Variants in DOK7 observed in about 807,000 individuals in gnomAD.
The protein encoded by DOK7 is protein Dok-7.
In DOK7, 32 loss-of-function variants were observed where a neutral mutation model predicts 30.7. That is an observed-to-expected ratio of 1.04 (90% CI 0.79 to 1.40). The LOEUF (loss-of-function observed/expected upper bound fraction) is 1.40. Ranked by LOEUF, DOK7 falls within the 40% of genes most tolerant of loss-of-function variation. DOK7 has a pLI of 0.00. For missense variants in DOK7, 1,007 were observed against 699.2 expected (o/e 1.44, Z -4.97); for synonymous variants, 447 against 324.1 (o/e 1.38, Z -4.07).
At chr4:3,464,624 G>A (rs1159052141) in intron 2 of DOK7, among the ~76,000 whole-genome samples, 2 of 152,184 alleles carry the variant, frequency 1.3e-5, no homozygotes, top group African/African-American at 2.4e-5. Flanking sequence ...TGGCTGGGTC[G>A]GGGCCGTGGT....
chr4:3,486,138 TG>T (rs1165241915), intron 5 of DOK7, among the ~76,000 whole-genome samples: 1 of 152,004 alleles, frequency 6.6e-6, no homozygotes, highest in African/African-American at 2.4e-5. Flanking sequence ...CCCCTGGCTG[TG>T]GGGTCTCAGG....
At chr4:3,498,541 C>G (rs568460741), downstream of DOK7, among the ~76,000 whole-genome samples, 23 of 152,260 alleles carry the variant, frequency 1.5e-4, no homozygotes, top group African/African-American at 5.5e-4. Flanking sequence ...CCGGCCCTGC[C>G]CCTTGGCTTC....
intron 5 of DOK7, among the ~76,000 whole-genome samples, chr4:3,487,536 C>T (rs1727888237): frequency 6.6e-6 from 1 of 152,210 alleles, no homozygotes; most frequent in Non-Finnish European, 1.5e-5. Context: ...GCAGCCAGAC[C>T]CACCAGGAGC....
At chr4:3,499,314 G>A (rs1328432974), downstream of DOK7, among the ~76,000 whole-genome samples, 2 of 152,166 alleles carry the variant, frequency 1.3e-5, no homozygotes, top group African/African-American at 2.4e-5. Flanking sequence ...GGGCTTGGCT[G>A]TGTCTCCCAG....
intron 6 of DOK7, among the ~76,000 whole-genome samples, chr4:3,492,265 G>A (rs561294806): frequency 1.1e-4 from 17 of 152,158 alleles, no homozygotes; most frequent in African/African-American, 3.9e-4. Flanking sequence ...GGCAGGGGGC[G>A]AGTCGAGGTG....
chr4:3,474,696 C>A (rs1415298593), intron 3 of DOK7, among the ~76,000 whole-genome samples: 1 of 152,060 alleles, frequency 6.6e-6, no homozygotes, highest in Non-Finnish European at 1.5e-5. Flanking sequence ...GTGGTGGGCA[C>A]ATGTAATCCC....
chr4:3,484,926 T>A (rs1320982214), intron 4 of DOK7: 1 of 968,872 alleles, frequency 1.0e-6, no homozygotes, highest in Non-Finnish European at 1.2e-6. Context: ...CATGGCAGCC[T>A]TCCTGGGATG....
intron 7 of DOK7, chr4:3,500,678 C>T: frequency 6.5e-7 from 1 of 1,535,850 alleles, no homozygotes; most frequent in East Asian, 2.4e-5. Flanking sequence ...CCGCTCACTA[C>T]AGAATTCTTT....
intron 6 of DOK7, chr4:3,500,146 T>A (rs2699408): frequency 2.2e-6 from 3 of 1,348,040 alleles, no homozygotes; most frequent in African/African-American, 1.5e-5. Context: ...AGAGGCGGAG[T>A]GGGGAGGAGG....
At chr4:3,495,501 G>A (rs1052795566), downstream of DOK7, among the ~76,000 whole-genome samples, 20 of 152,212 alleles carry the variant, frequency 1.3e-4, no homozygotes, top group Non-Finnish European at 2.9e-4. Context: ...GTGGGGATGC[G>A]GCCGGGACAT....
chr4:3,496,708 C>G, downstream of DOK7: 2 of 1,229,642 alleles, frequency 1.6e-6, no homozygotes, highest in Non-Finnish European at 2.2e-6. Context: ...TGACCCAGGT[C>G]CCCCAGCCTG....
downstream of DOK7, among the ~76,000 whole-genome samples, chr4:3,498,313 A>T (rs1191092612): frequency 6.6e-6 from 1 of 152,056 alleles, no homozygotes. Flanking sequence ...ACAGATACGG[A>T]CACACTGCTG....
chr4:3,481,641 C>T (rs1727450227), intron 4 of DOK7, among the ~76,000 whole-genome samples: 1 of 152,146 alleles, frequency 6.6e-6, no homozygotes, highest in Admixed American at 6.5e-5. Context: ...ACTTCTCAGT[C>T]CTGCCCATGC....
chr4:3,493,368 G>A lies in DOK7; in HGVS notation c.1382G>A (p.Gly461Asp), dbSNP rs9684786. The A allele has an allele frequency of 0.2, 324,029 of 1,595,910 alleles. 34,550 individuals carry two copies. The highest frequency in any genetic ancestry group is 0.32 in the South Asian group (28,446 of 89,278). Residue 461 changes from glycine (G) to aspartate (D), a missense_variant, in exon 7 of 7, where the codon GGC (glycine) becomes GAC (aspartate). Coordinates refer to ENST00000340083, the MANE Select transcript of DOK7 (RefSeq NM_173660.5). Reference protein sequence around the residue: ...RRGLVMEAPQGSEATLPGPAP... With the variant: ...RRGLVMEAPQDSEATLPGPAP... ...GGCCTGGTGATGGAGGCCCCCCAGG[G>A]CAGCGAGGCCACACTGCCTGGCCCT...
chr4:3,473,747 G>A (rs1172397045), intron 3 of DOK7, 111 bp downstream of exon 3: 1 of 1,078,610 alleles, frequency 9.3e-7, no homozygotes, highest in Non-Finnish European at 1.3e-6. Flanking sequence ...CGTGCAGGAA[G>A]ATGGGACATT....
chr4:3,500,382 G>T lies in DOK7; in HGVS notation c.1240G>T (p.Glu414Ter). The change falls in exon 7 of 8, where the codon GAG becomes TAG. Residue 414 changes from glutamate to a stop codon, truncating the protein, a stop_gained. Coordinates refer to the DOK7 transcript ENST00000643608. LOFTEE classifies it low-confidence loss of function (END_TRUNC). ...GCACTACATGGGCCTGGAGCTCCAG[G>T]AGGCCAGCGAGGGTGTCCGAGGTGG... The T allele has an allele frequency of 6.5e-7, 1 of 1,535,912 alleles. No individual in the cohort carries two copies.
chr4:3,486,852 G>A (rs553598250), intron 5 of DOK7, among the ~76,000 whole-genome samples: 1 of 152,066 alleles, frequency 6.6e-6, no homozygotes, highest in African/African-American at 2.4e-5. Flanking sequence ...GCAGGGCGGG[G>A]ACAGGGCCGG....
intron 4 of DOK7, among the ~76,000 whole-genome samples, chr4:3,481,030 G>T (rs765266890): frequency 1.3e-5 from 2 of 152,088 alleles, no homozygotes; most frequent in Non-Finnish European, 2.9e-5. Context: ...GGGTGAAAAG[G>T]GCACTTCAGA....
intron 6 of DOK7, among the ~76,000 whole-genome samples, chr4:3,490,199 C>CCCCCCTCATTCATTCCTTTCTTCA (rs1206869374): frequency 1.1e-4 from 8 of 74,830 alleles, no homozygotes; most frequent in Non-Finnish European, 1.7e-4. Context: ...CTCATTCCTT[C>CCCCCCTCATTCATTCCTTTCTTCA]CCCCCTCATT....
Sources: gnomAD v4.1 joint callset for allele counts (sites outside exome capture counted in the v4.1 genomes callset) on GRCh38, gnomAD v4.1.1 for gene constraint, MANE v1.5 for transcripts, NCBI Gene and HGNC (gene_info 2026-07-23, HGNC 2026-07-21) for gene names.